MICU1: variants seen among roughly 807,000 people sequenced by gnomAD.
MICU1 encodes mitochondrial calcium uptake 1, also known as calcium uptake protein 1, mitochondrial.
MICU1 carries 45 observed loss-of-function variants against 56.8 expected under a neutral mutation model. That is an observed-to-expected ratio of 0.79 (90% CI 0.62 to 1.02). The LOEUF is 1.02. MICU1 is among the 50% of genes least tolerant of loss of function. The probability of loss-of-function intolerance (pLI) is 0.00; values close to 1 mark genes in which losing one functional copy is unlikely to be tolerated. For synonymous variants in MICU1, 186 were observed against 195.1 expected (o/e 0.95, Z 0.39); for missense variants, 504 against 587.1 (o/e 0.86, Z 1.46).
chr10:72,375,856 C>T lies in MICU1; in HGVS notation c.1197G>A (p.Val399=), dbSNP rs1326223621. The change falls in exon 11 of 12, where the codon GTG becomes GTA. Residue 399 remains valine (V), a synonymous_variant. Transcript: ENST00000361114. ...GCTCCACTTTAGCCACTGTCCTGGC[C>T]ACCTGCTGCATGGTCACTGAAAAAA... ...ASLDKVTMQQ[V]ARTVAKVELS... 1.9e-6 allele frequency: 3 copies of T among 1,613,254 alleles called. No individual in the cohort carries two copies. Among genetic ancestry groups the T allele is most frequent in the Non-Finnish European group, 2.5e-6 (3 of 1,179,642 alleles).
At chr10:72,522,033 A>C (rs1867838504) in intron 5 of MICU1, among the ~76,000 whole-genome samples, 1 of 152,130 alleles carries the variant, frequency 6.6e-6, no homozygotes, top group Non-Finnish European at 1.5e-5. Flanking sequence ...TTTAAAAAAT[A>C]CATCATGCCA....
At chr10:72,555,335 GC>G (rs1351737601) in intron 3 of MICU1, among the ~76,000 whole-genome samples, 1 of 151,926 alleles carries the variant, frequency 6.6e-6, no homozygotes, top group East Asian at 1.9e-4. Flanking sequence ...TAAAAAGTAA[GC>G]CCCAGCTTGA....
chr10:72,563,080 G>T lies in MICU1; in HGVS notation c.162-17C>A. ...GCATGGGCCCTGGATATGCAAAAAA[G>T]AAATCTAGATTAATCTTGAACGTCC... is the stretch of plus-strand genomic sequence containing the variant. On this transcript the variant is annotated splice_polypyrimidine_tract_variant and intron_variant, in intron 2 of 11. Transcript: ENST00000361114. The T allele has an allele frequency of 2.7e-6, 4 of 1,497,178 alleles. No homozygotes were observed. The highest frequency in any genetic ancestry group is 3.6e-6 in the Non-Finnish European group (4 of 1,123,554). 92.7% of individuals were successfully genotyped at this position (1,497,178 alleles called of 1,614,324 possible). A position where few individuals can be genotyped will look rare whatever the true frequency, so the allele number is the denominator to read the frequency against.
Position 72,514,393 on chromosome 10 carries a change from A to G in MICU1, c.538-6124T>C, listed in dbSNP as rs186772031. 9.2e-4 allele frequency among the ~76,000 whole-genome samples: 139 copies of G among 151,850 alleles called. 2 individuals carry two copies. The highest frequency in any genetic ancestry group is 1.8e-3 in the Admixed American group (27 of 15,240). On this transcript the variant is annotated intron_variant, in intron 5 of 11. Coordinates refer to ENST00000361114, the MANE Select transcript of MICU1 (RefSeq NM_001195518.2). ...TGTAATTTATTGTTTCTATGTATGC[A>G]TAATTTCTTGTTGAAACTGGACATT...
intron 10 of MICU1, among the ~76,000 whole-genome samples, chr10:72,391,188 C>CT (rs1863057884): frequency 6.6e-6 from 1 of 152,182 alleles, no homozygotes; most frequent in African/African-American, 2.4e-5. Flanking sequence ...AATCCCAACA[C>CT]TGGGAGGCCA....
intron 4 of MICU1, among the ~76,000 whole-genome samples, chr10:72,540,056 T>C (rs923690995): frequency 1.3e-4 from 20 of 151,638 alleles, no homozygotes; most frequent in Non-Finnish European, 2.8e-4. Context: ...TCACCTGAGG[T>C]CAGGAGTTCA....
intron 1 of MICU1, among the ~76,000 whole-genome samples, chr10:72,568,132 G>C (rs531731812): frequency 8.5e-4 from 130 of 152,130 alleles, no homozygotes; most frequent in African/African-American, 2.8e-3. Context: ...ACACTGCTTT[G>C]AAGTTTTTAT....
chr10:72,492,696 G>A (rs1217999306), intron 6 of MICU1, among the ~76,000 whole-genome samples: 1 of 151,188 alleles, frequency 6.6e-6, no homozygotes, highest in Non-Finnish European at 1.5e-5. Flanking sequence ...CCGGGAGGTG[G>A]AGGCTTCAGT....
chr10:72,519,136 G>A (rs1352333855), intron 5 of MICU1, among the ~76,000 whole-genome samples: 1 of 152,210 alleles, frequency 6.6e-6, no homozygotes, highest in Non-Finnish European at 1.5e-5. Flanking sequence ...CAAATGACAA[G>A]AATAGCATTT....
chr10:72,385,426 G>A (rs140236103), intron 10 of MICU1, among the ~76,000 whole-genome samples: 1,798 of 152,188 alleles, frequency 0.012, 18 homozygotes, highest in Non-Finnish European at 0.018. Flanking sequence ...GGAGGCGGAG[G>A]TTGTAGTGAG....
chr10:72,502,462 C>T (rs1026338707), intron 6 of MICU1, among the ~76,000 whole-genome samples: 4 of 152,114 alleles, frequency 2.6e-5, no homozygotes. Context: ...AGCCTTATTC[C>T]GTTAACTTTG....
chr10:72,379,812 G>C (rs1862642005), intron 10 of MICU1, among the ~76,000 whole-genome samples: 1 of 152,146 alleles, frequency 6.6e-6, no homozygotes. Flanking sequence ...ATAGGAGGAA[G>C]AACTAGGGCT....
intron 4 of MICU1, among the ~76,000 whole-genome samples, chr10:72,537,343 T>C (rs1839662980): frequency 6.6e-6 from 1 of 152,154 alleles, no homozygotes; most frequent in Non-Finnish European, 1.5e-5. Context: ...GAAAATCTAA[T>C]AGGCCCAATT....
At chr10:72,380,394 C>T (rs936702353) in intron 10 of MICU1, among the ~76,000 whole-genome samples, 11 of 152,160 alleles carry the variant, frequency 7.2e-5, no homozygotes, top group Non-Finnish European at 1.6e-4. Context: ...TCAACTAGTA[C>T]TCAAAAATCT....
At chr10:72,574,073 G>C (rs1175504850) in intron 1 of MICU1, among the ~76,000 whole-genome samples, 1 of 151,882 alleles carries the variant, frequency 6.6e-6, no homozygotes, top group Non-Finnish European at 1.5e-5. Flanking sequence ...ATGACTACTT[G>C]GCTCTTCCAA....
Position 72,477,278 on chromosome 10 carries a change from T to C in MICU1, c.653-22A>G, listed in dbSNP as rs751568374. 3.3e-6 allele frequency: 5 copies of C among 1,506,114 alleles called. 1 individual carries two copies. Among genetic ancestry groups the C allele is most frequent in the Non-Finnish European group, 2.7e-6 (3 of 1,122,920 alleles). The allele number at this position is 1,506,114 out of a possible 1,614,324, so 93.3% of individuals were successfully genotyped here. A position where few individuals can be genotyped will look rare whatever the true frequency, so the allele number is the denominator to read the frequency against. Reference sequence around the variant, plus strand: ...GGAGCTGCAGAGGAGAGAAAAAAAATATTTAGAAGGCATTGACCAAAAATA... The same window carrying C: ...GGAGCTGCAGAGGAGAGAAAAAAAACATTTAGAAGGCATTGACCAAAAATA... On this transcript the variant is annotated intron_variant, in intron 6 of 11. Coordinates refer to ENST00000361114, the MANE Select transcript of MICU1 (RefSeq NM_001195518.2).
intron 8 of MICU1, among the ~76,000 whole-genome samples, chr10:72,426,498 A>G (rs963233204): frequency 5.9e-5 from 9 of 151,798 alleles, no homozygotes; most frequent in African/African-American, 1.9e-4. Context: ...CCTAGGCTCA[A>G]GTGATCTTCC....
chr10:72,532,799 C>T (rs1463242453), intron 5 of MICU1: 1 of 961,774 alleles, frequency 1.0e-6, no homozygotes, highest in Non-Finnish European at 1.2e-6. Flanking sequence ...AGGCAGGTGG[C>T]CTTAGCTGAG....
chr10:72,622,293 T>C (rs1842124370), intron 1 of MICU1, among the ~76,000 whole-genome samples: 1 of 151,928 alleles, frequency 6.6e-6, no homozygotes, highest in Non-Finnish European at 1.5e-5. Flanking sequence ...TGTTTTTGCC[T>C]GTCCAGCAAC....
Sources: gnomAD v4.1 joint callset for allele counts (sites outside exome capture counted in the v4.1 genomes callset) on GRCh38, gnomAD v4.1.1 for gene constraint, MANE v1.5 for transcripts, NCBI Gene and HGNC (gene_info 2026-07-23, HGNC 2026-07-21) for gene names.